Variants in MYO1D observed in about 807,000 individuals in gnomAD.
MYO1D encodes the protein unconventional myosin-Id.
Under a neutral mutation model 122.0 loss-of-function variants are expected in MYO1D, and 83 were observed. The ratio of observed to expected loss-of-function variants is 0.68; its 90% CI spans 0.57 to 0.82. The LOEUF (loss-of-function observed/expected upper bound fraction) is 0.82. Among genes scored for constraint, MYO1D ranks in the 40% least tolerant of loss-of-function variants. The probability of loss-of-function intolerance (pLI) is 0.00; values close to 1 mark genes in which losing one functional copy is unlikely to be tolerated. For missense variants in MYO1D, 1,157 were observed against 1,269.5 expected, an observed-to-expected ratio of 0.91 and a Z score of 1.35; for synonymous variants, 464 against 446.9, an observed-to-expected ratio of 1.04 and a Z score of -0.48.
chr17:32,827,049 A>G (rs1472850331), intron 1 of MYO1D, among the ~76,000 whole-genome samples: 1 of 152,238 alleles, frequency 6.6e-6, no homozygotes, highest in African/African-American at 2.4e-5. Flanking sequence ...TATGCACCCA[A>G]AAGAATTGAA....
intron 1 of MYO1D, among the ~76,000 whole-genome samples, chr17:32,821,329 A>G (rs1022826048): frequency 3.3e-5 from 5 of 152,188 alleles, no homozygotes; most frequent in African/African-American, 7.2e-5. Context: ...TATCTCTAAT[A>G]TAACTATCAC....
Position 32,775,908 on chromosome 17 carries a change from C to T in MYO1D, c.520G>A (p.Gly174Ser). 6.2e-7 allele frequency: 1 copy of T among 1,613,596 alleles called. No individual in the cohort carries two copies. Among genetic ancestry groups the T allele is most frequent in the Non-Finnish European group, 8.5e-7 (1 of 1,179,764 alleles). The change falls in exon 4 of 22, where the codon GGT becomes AGT. Residue 174 changes from glycine to serine, a missense_variant. Gly to Ser is a moderately conservative substitution (Grantham distance 56). Coordinates refer to ENST00000318217, the MANE Select transcript of MYO1D (RefSeq NM_015194.3). ...KYMDINFDFK[G>S]DPIGGHINNY... ...TTGATATGCCCACCAATAGGGTCAC[C>T]CTTGAAGTCAAAGTTGATATCCATG...
chr17:32,504,254 C>T (rs1337824849), intron 21 of MYO1D, among the ~76,000 whole-genome samples: 2 of 152,212 alleles, frequency 1.3e-5, no homozygotes, highest in African/African-American at 4.8e-5. Flanking sequence ...CTGCTTGTGT[C>T]CCCAACAGGA....
intron 1 of MYO1D, among the ~76,000 whole-genome samples, chr17:32,851,841 G>A (rs182002965): frequency 3.1e-4 from 47 of 152,364 alleles, no homozygotes; most frequent in Middle Eastern, 6.8e-3. Context: ...AGCTCAGGCT[G>A]TAATGCTTGC....
At chr17:32,745,186 T>G (rs779660728) in intron 13 of MYO1D, 25 bp downstream of exon 13, 1 of 1,257,874 alleles carries the variant, frequency 7.9e-7, no homozygotes, top group Non-Finnish European at 1.1e-6. Context: ...TAATCTAGAG[T>G]TAATTAATAA....
At chr17:32,767,599 C>A in intron 7 of MYO1D, 37 bp downstream of exon 7, 1 of 1,359,996 alleles carries the variant, frequency 7.4e-7, no homozygotes, top group South Asian at 1.3e-5. Context: ...CTGTTCTCAG[C>A]AGAAGACAAT....
rs739455 is a variant in MYO1D, at chr17:32,493,832, G to C, written c.*927C>G. The C allele has an allele frequency of 0.061, 9,290 of 152,246 alleles. 762 individuals are homozygous for C. The highest frequency in any genetic ancestry group is 0.4 in the East Asian group (2,074 of 5,154). The allele number at this position is 152,246 out of a possible 1,614,324, so 9.4% of individuals were successfully genotyped here. A position where few individuals can be genotyped will look rare whatever the true frequency, so the allele number is the denominator to read the frequency against. On this transcript the variant is annotated 3_prime_UTR_variant, in exon 22 of 22. Coordinates refer to ENST00000318217, the MANE Select transcript of MYO1D (RefSeq NM_015194.3). The stretch of plus-strand genomic sequence containing the variant: ...TCCCGTCATCCCGTGTCTTGACCCC[G>C]CCCTTGCTGTTTCTCTGAGTAGGAA...
In MYO1D at chr17:32,666,178, T is replaced by C. The variant is rs144318139; in HGVS notation, c.2122-6840A>G. On this transcript the variant is annotated intron_variant, in intron 16 of 21. Transcript: ENST00000318217. ...TATATAGATTTTAACCAACCTCCTCTGTCAGGGCCACCCCTCATCCCTACC... is the reference window on the plus strand; with the variant it reads ...TATATAGATTTTAACCAACCTCCTCCGTCAGGGCCACCCCTCATCCCTACC... Among the ~76,000 whole-genome samples the C allele has an allele frequency of 8.4e-3, 1,280 of 152,272 alleles. 13 individuals carry two copies. Among genetic ancestry groups the C allele is most frequent in the African/African-American group, 0.029 (1,214 of 41,554 alleles).
intron 1 of MYO1D, among the ~76,000 whole-genome samples, chr17:32,788,513 C>A (rs546554442): frequency 6.6e-4 from 100 of 152,120 alleles, no homozygotes; most frequent in Non-Finnish European, 1.3e-3. Context: ...TTTCCCAGCA[C>A]CATTTACTGA....
rs138373550 is a variant in MYO1D at position 32,638,444 on chromosome 17, T to C, written c.2709+278A>G. Among the ~76,000 whole-genome samples, 72 of 152,326 alleles carry C rather than the reference T, an allele frequency of 4.7e-4. No homozygotes were observed. In the East Asian group the frequency reaches 0.013, roughly 26 times the overall value. ...TATGAAAACAAATAAGAAAATGCAT[T>C]ATACGCCAGTGCATTTAAACAGTGG... On this transcript the variant is annotated intron_variant, in intron 20 of 21. Transcript: ENST00000318217.
chr17:32,577,762 G>A (rs1015793844), intron 21 of MYO1D, among the ~76,000 whole-genome samples: 2 of 150,052 alleles, frequency 1.3e-5, no homozygotes, highest in African/African-American at 4.9e-5. Flanking sequence ...CTTTTGAGAC[G>A]GAGTCTTGCT....
In MYO1D at chr17:32,494,569, G is replaced by T; in HGVS notation, c.*190C>A. ...GTCTTTGGCTTATTGAACAGGGACC[G>T]TGGACAGTAAGGACAGAGGAAGATG... On this transcript the variant is annotated 3_prime_UTR_variant, in exon 22 of 22. Transcript: ENST00000318217. 1 of 717,410 alleles carries T rather than the reference G, an allele frequency of 1.4e-6. No individual in the cohort carries two copies. Among genetic ancestry groups the T allele is most frequent in the Non-Finnish European group, 2.2e-6 (1 of 447,618 alleles). The allele number at this position is 717,410 out of a possible 1,614,324, so 44.4% of individuals were successfully genotyped here.
At chr17:32,606,081 G>A (rs2150914418) in intron 20 of MYO1D, among the ~76,000 whole-genome samples, 1 of 152,236 alleles carries the variant, frequency 6.6e-6, no homozygotes. Flanking sequence ...CTCCAGCCTG[G>A]TGACAGAGTG....
At chr17:32,570,695 GCTTTCAAAGCTC>G (rs1293878196) in intron 21 of MYO1D, among the ~76,000 whole-genome samples, 2 of 152,040 alleles carry the variant, frequency 1.3e-5, no homozygotes, top group Non-Finnish European at 2.9e-5. Context: ...CATTCTTCAT[GCTTTCAAAGCTC>G]CTTTCAAAGC....
intron 1 of MYO1D, among the ~76,000 whole-genome samples, chr17:32,852,414 C>T (rs577100641): frequency 6.6e-6 from 1 of 152,286 alleles, no homozygotes; most frequent in South Asian, 2.1e-4. Flanking sequence ...GGCATGACCA[C>T]TGTGCCTGGC....
intron 13 of MYO1D, among the ~76,000 whole-genome samples, chr17:32,742,744 C>G (rs1449996339): frequency 6.6e-6 from 1 of 152,190 alleles, no homozygotes; most frequent in Non-Finnish European, 1.5e-5. Context: ...ATTCCTGTCT[C>G]TGTAACTTTT....
intron 21 of MYO1D, chr17:32,510,153 G>T (rs1280195483): frequency 1.3e-5 from 2 of 152,220 alleles, no homozygotes; most frequent in Non-Finnish European, 2.9e-5. Context: ...CCTGGCCCAG[G>T]GCAACTGTCT....
chr17:32,694,875 C>T (rs1362105738), intron 16 of MYO1D, among the ~76,000 whole-genome samples: 1 of 152,132 alleles, frequency 6.6e-6, no homozygotes, highest in Non-Finnish European at 1.5e-5. Flanking sequence ...TCTGTACCTT[C>T]TACCTCTATC....
At chr17:32,741,149 G>A (rs2089767687) in intron 13 of MYO1D, among the ~76,000 whole-genome samples, 2 of 151,022 alleles carry the variant, frequency 1.3e-5, no homozygotes, top group South Asian at 4.2e-4. Flanking sequence ...AATCACTTGA[G>A]CCCAGGAGTT....
Sources: allele counts gnomAD v4.1 joint callset (sites outside exome capture counted in the v4.1 genomes callset), GRCh38; gene constraint gnomAD v4.1.1; transcripts MANE v1.5; gene names NCBI Gene and HGNC (gene_info 2026-07-23, HGNC 2026-07-21).